The following ZFX variants were observed in gnomAD, a reference collection of about 807,000 sequenced individuals.
The protein encoded by ZFX is zinc finger protein X-linked.
For missense variants in ZFX, 362 were observed against 628.3 expected, an observed-to-expected ratio of 0.58 and a Z score of 4.53; for synonymous variants, 196 against 226.8, an observed-to-expected ratio of 0.86 and a Z score of 1.22.
chrX:24,172,046 T>G (rs1042993238), intron 3 of ZFX, among the ~76,000 whole-genome samples: 1 of 111,627 alleles, frequency 9.0e-6, no homozygotes, highest in African/African-American at 3.3e-5. Flanking sequence ...TTTACCGTTT[T>G]ATAGCTAGTG....
chrX:24,210,351 A>G lies in ZFX; in HGVS notation c.1393A>G (p.Thr465Ala). ...CCGCTGTACTGACTGTGATTACACT[A>G]CCAACAAGAAGATAAGTTTACACAA... The part of the protein sequence containing the change: ...KYRCTDCDYT[T>A]NKKISLHNHL... The change falls in exon 10 of 10, where the codon ACC becomes GCC. Residue 465 changes from threonine (T) to alanine (A), a missense_variant. By Grantham distance (58) the Thr-to-Ala change is moderately conservative. Transcript: ENST00000304543. 1 of 1,211,878 alleles carries G rather than the reference A, an allele frequency of 8.3e-7. No homozygotes were observed. The highest frequency in any genetic ancestry group is 1.1e-6 in the Non-Finnish European group (1 of 895,599).
chrX:24,207,245 A>AT (rs78241704), intron 5 of ZFX, 81 bp from the exon 6 acceptor site: 165,785 of 651,887 alleles, frequency 0.25, 5,341 homozygotes, highest in African/African-American at 0.38. Flanking sequence ...AAAAAAAAAA[A>AT]TTTTTTTTTT....
At chrX:24,168,671 C>CTTTTTT (rs141296315) in intron 3 of ZFX, among the ~76,000 whole-genome samples, 9 of 83,249 alleles carry the variant, frequency 1.1e-4, no homozygotes, top group African/African-American at 2.3e-4. Flanking sequence ...TTCTTTCTTT[C>CTTTTTT]TTTTTTTTTT....
At position 24,172,703 on chromosome X, in the gene ZFX, T is replaced by C. The variant is rs759162681; in HGVS notation, c.-28-12T>C. The C allele has an allele frequency of 3.5e-6, 4 of 1,129,273 alleles. No homozygotes were observed. Among genetic ancestry groups the C allele is most frequent in the Non-Finnish European group, 4.7e-6 (4 of 854,254 alleles). 93.1% of individuals were successfully genotyped at this position (1,129,273 alleles called of 1,213,427 possible). On this transcript the variant is annotated splice_polypyrimidine_tract_variant and intron_variant, in intron 3 of 9. Coordinates refer to ENST00000304543, the MANE Select transcript of ZFX (RefSeq NM_003410.4). ...AACTAATGGCTTTGGTTTACTTTTT[T>C]CCCTGATTTAGGAGCTGTGACTGAT...
chrX:24,173,244 CATT>C (rs1319193742), intron 4 of ZFX, among the ~76,000 whole-genome samples: 1 of 112,129 alleles, frequency 8.9e-6, no homozygotes, highest in African/African-American at 3.2e-5. Flanking sequence ...ATAACTTTTG[CATT>C]ATTTTCCTTA....
intron 5 of ZFX, among the ~76,000 whole-genome samples, chrX:24,193,362 A>G (rs1288105147): frequency 8.9e-6 from 1 of 112,230 alleles, no homozygotes; most frequent in Non-Finnish European, 1.9e-5. Context: ...GTATGATTCC[A>G]TCTATGTGAA....
chrX:24,182,353 C>T (rs1340857934), intron 5 of ZFX, among the ~76,000 whole-genome samples: 1 of 111,292 alleles, frequency 9.0e-6, no homozygotes, highest in Admixed American at 9.6e-5. Context: ...GCATGCTTGT[C>T]GAGTGAGAGT....
intron 3 of ZFX, among the ~76,000 whole-genome samples, chrX:24,162,235 C>CA (rs984731542): frequency 1.8e-5 from 2 of 110,404 alleles, no homozygotes; most frequent in Admixed American, 9.6e-5. Context: ...TCTCAAAAAA[C>CA]AAAAAAATCC....
Position 24,191,832 on chromosome X carries a change from T to C in ZFX, c.646+12062T>C, listed in dbSNP as rs764670015. On this transcript the variant is annotated intron_variant, in intron 5 of 9. Transcript: ENST00000304543. ...CTCCTTCCTCAGCCTCCCGAGTAGC[T>C]GGGATTACAGGTGTGCGCTACCACA... 8.1e-5 allele frequency among the ~76,000 whole-genome samples: 9 copies of C among 110,497 alleles called. No homozygotes were observed. In the South Asian group the frequency reaches 3.1e-3, roughly 38 times the overall value.
In ZFX at chrX:24,163,448, G is replaced by T. The variant is rs1254628309; in HGVS notation, c.-28-9267G>T. Among the ~76,000 whole-genome samples, 5 of 85,550 alleles carry T rather than the reference G, an allele frequency of 5.8e-5. No individual in the cohort carries two copies. The Admixed American group carries it at 6.7e-4, about 11-fold the overall frequency. The allele number at this position is 85,550 out of a possible 115,157, so 74.3% of individuals were successfully genotyped here. A position where few individuals can be genotyped will look rare whatever the true frequency, so the allele number is the denominator to read the frequency against. On this transcript the variant is annotated intron_variant, in intron 3 of 9. Coordinates refer to ENST00000304543, the MANE Select transcript of ZFX (RefSeq NM_003410.4). ...GCTGGAGTGCAATGGCGCGATCTTG[G>T]CTCACTGCAACCTCTGCCTCCTGGG... is the stretch of plus-strand genomic sequence containing the variant.
At chrX:24,210,051 C>A in intron 9 of ZFX, 142 bp from the exon 10 acceptor site, 1 of 785,233 alleles carries the variant, frequency 1.3e-6, no homozygotes, top group Non-Finnish European at 1.8e-6. Context: ...TGTTGAAAAA[C>A]AGTAAAAGGA....
chrX:24,211,601 A>G lies in ZFX; in HGVS notation c.*225A>G, dbSNP rs1209547330. ...AAATAGGGAAAACTGGCAACATGCT[A>G]GTTACTTTTAATAAAGTAATCCCTG... On this transcript the variant is annotated 3_prime_UTR_variant, in exon 10 of 10. Coordinates refer to ENST00000304543, the MANE Select transcript of ZFX (RefSeq NM_003410.4). 1.5e-5 allele frequency: 6 copies of G among 395,151 alleles called. No homozygotes were observed. The highest frequency in any genetic ancestry group is 2.1e-5 in the Non-Finnish European group (5 of 234,370). The allele number at this position is 395,151 out of a possible 1,213,427, so 32.6% of individuals were successfully genotyped here.
At chrX:24,154,232 G>T (rs1411717889) in intron 3 of ZFX, among the ~76,000 whole-genome samples, 1 of 111,622 alleles carries the variant, frequency 9.0e-6, no homozygotes, top group African/African-American at 3.3e-5. Context: ...TTAATATTTT[G>T]CTACATATTT....
chrX:24,160,864 G>A (rs560701162), intron 3 of ZFX, among the ~76,000 whole-genome samples: 182 of 111,335 alleles, frequency 1.6e-3, no homozygotes, highest in Middle Eastern at 9.5e-3. Context: ...CCTATCTCTG[G>A]ATACTATGAT....
intron 5 of ZFX, among the ~76,000 whole-genome samples, chrX:24,199,086 G>A (rs1189380985): frequency 9.0e-6 from 1 of 110,899 alleles, no homozygotes; most frequent in Non-Finnish European, 1.9e-5. Flanking sequence ...TGAGGTGAGA[G>A]GAAACCAAGA....
intron 5 of ZFX, among the ~76,000 whole-genome samples, chrX:24,187,860 T>C (rs73475936): frequency 0.036 from 3,944 of 110,846 alleles, 128 homozygotes; most frequent in African/African-American, 0.099. Flanking sequence ...TAAATAGATA[T>C]AGAAAGTACT....
At chrX:24,172,203 T>C (rs994796823) in intron 3 of ZFX, among the ~76,000 whole-genome samples, 1 of 112,122 alleles carries the variant, frequency 8.9e-6, no homozygotes, top group African/African-American at 3.2e-5. Context: ...TGTAATCTAC[T>C]GGTTGGAAGT....
At chrX:24,170,608 A>ATTTTTTTTTTTT (rs1217226048) in intron 3 of ZFX, among the ~76,000 whole-genome samples, 1 of 85,955 alleles carries the variant, frequency 1.2e-5, no homozygotes, top group African/African-American at 4.3e-5. Flanking sequence ...TTTTTCTTTA[A>ATTTTTTTTTTTT]TTTTTTTTTT....
intron 4 of ZFX, among the ~76,000 whole-genome samples, chrX:24,174,978 G>C (rs1934998883): frequency 9.0e-6 from 1 of 111,688 alleles, no homozygotes; most frequent in Non-Finnish European, 1.9e-5. Context: ...TGGGATTACA[G>C]GTGTGAGCCA....
Sources: gnomAD v4.1 joint callset for allele counts (sites outside exome capture counted in the v4.1 genomes callset) on GRCh38, gnomAD v4.1.1 for gene constraint, MANE v1.5 for transcripts, NCBI Gene and HGNC (gene_info 2026-07-23, HGNC 2026-07-21) for gene names.